Variants in SEM1 observed in about 807,000 individuals in gnomAD.
SEM1 encodes the protein 26S proteasome complex subunit SEM1.
SEM1 carries 3 observed loss-of-function variants against 12.7 expected under a neutral mutation model. That is an observed-to-expected ratio of 0.24 (90% CI 0.11 to 0.61). The LOEUF (loss-of-function observed/expected upper bound fraction) is 0.61, where lower values mean the gene tolerates loss of function less well. SEM1 is among the 20% of genes least tolerant of loss of function. The pLI is 0.88. For missense variants in SEM1, 59 were observed against 81.3 expected (o/e 0.73, Z 1.06); for synonymous variants, 30 against 27.8 (o/e 1.08, Z -0.25).
intron 2 of SEM1, among the ~76,000 whole-genome samples, chr7:96,626,075 T>G (rs542898983): frequency 6.6e-6 from 1 of 152,162 alleles, no homozygotes; most frequent in Non-Finnish European, 1.5e-5. Flanking sequence ...TTTTTGCCTA[T>G]AGTCACCCTG....
At chr7:96,704,403 C>A (rs1790381014) in intron 1 of SEM1, among the ~76,000 whole-genome samples, 1 of 151,942 alleles carries the variant, frequency 6.6e-6, no homozygotes, top group Non-Finnish European at 1.5e-5. Context: ...ATACAATTAT[C>A]CTATATAATA....
At chr7:96,643,784 A>G (rs1808697725) in intron 2 of SEM1, among the ~76,000 whole-genome samples, 1 of 152,116 alleles carries the variant, frequency 6.6e-6, no homozygotes, top group South Asian at 2.1e-4. Flanking sequence ...GGAGAGGAAC[A>G]TCACACACCA....
At chr7:96,532,806 C>A in intron 2 of SEM1, among the ~76,000 whole-genome samples, 1 of 152,078 alleles carries the variant, frequency 6.6e-6, no homozygotes, top group Non-Finnish European at 1.5e-5. Flanking sequence ...GAAAACCCGA[C>A]TTTTTAATTT....
At chr7:96,598,230 A>G (rs1204791694) in intron 2 of SEM1, among the ~76,000 whole-genome samples, 1 of 152,200 alleles carries the variant, frequency 6.6e-6, no homozygotes, top group Admixed American at 6.5e-5. Context: ...ATGAACTGGT[A>G]GAGTCAGGGA....
chr7:96,641,142 G>GA (rs928144764), intron 2 of SEM1, among the ~76,000 whole-genome samples: 3 of 146,574 alleles, frequency 2.0e-5, no homozygotes, highest in Admixed American at 6.8e-5. Flanking sequence ...ATAGGGAGCC[G>GA]AAAAAAAATA....
chr7:96,637,506 C>T (rs2116372021), intron 2 of SEM1, among the ~76,000 whole-genome samples: 1 of 152,094 alleles, frequency 6.6e-6, no homozygotes, highest in Admixed American at 6.6e-5. Flanking sequence ...GCTAGAAAGT[C>T]CTGCTTTTAT....
intron 2 of SEM1, among the ~76,000 whole-genome samples, chr7:96,587,326 A>G (rs1040381401): frequency 2.6e-5 from 4 of 152,178 alleles, no homozygotes; most frequent in African/African-American, 9.7e-5. Context: ...TAGATCTCAG[A>G]AAAATAACTT....
intron 2 of SEM1, among the ~76,000 whole-genome samples, chr7:96,682,449 T>A (rs1255890037): frequency 9.2e-5 from 14 of 152,124 alleles, no homozygotes; most frequent in Non-Finnish European, 1.9e-4. Flanking sequence ...AGAGAGGTCA[T>A]CCTTGTCTTG....
At chr7:96,662,299 A>G (rs1383174343) in intron 2 of SEM1, among the ~76,000 whole-genome samples, 1 of 152,206 alleles carries the variant, frequency 6.6e-6, no homozygotes, top group Non-Finnish European at 1.5e-5. Flanking sequence ...CAGACTGGAT[A>G]AAGAAAACGT....
intron 1 of SEM1, among the ~76,000 whole-genome samples, chr7:96,493,210 C>A (rs951975867): frequency 6.6e-6 from 1 of 152,126 alleles, no homozygotes; most frequent in Non-Finnish European, 1.5e-5. Flanking sequence ...AGTAATCTGC[C>A]CACCTTGGCC....
chr7:96,616,344 T>C (rs2116261174), intron 2 of SEM1, among the ~76,000 whole-genome samples: 1 of 152,346 alleles, frequency 6.6e-6, no homozygotes, highest in Non-Finnish European at 1.5e-5. Context: ...TGTCCTCTTT[T>C]GAAAAATGTC....
At chr7:96,676,728 C>T (rs1182693563) in intron 2 of SEM1, among the ~76,000 whole-genome samples, 1 of 152,116 alleles carries the variant, frequency 6.6e-6, no homozygotes, top group African/African-American at 2.4e-5. Context: ...ATATCTTTTT[C>T]TCTCATTTTA....
intron 2 of SEM1, among the ~76,000 whole-genome samples, chr7:96,678,750 A>G (rs1299837514): frequency 6.6e-6 from 1 of 152,164 alleles, no homozygotes; most frequent in Non-Finnish European, 1.5e-5. Context: ...TTAAAATGAG[A>G]TATCAAGTTT....
chr7:96,584,941 A>T (rs1385202012), intron 2 of SEM1, among the ~76,000 whole-genome samples: 1 of 150,480 alleles, frequency 6.6e-6, no homozygotes, highest in Non-Finnish European at 1.5e-5. Flanking sequence ...GAGTAATTTG[A>T]TCGTCTGAAG....
At chr7:96,647,964 G>GT (rs1563096720) in intron 2 of SEM1, among the ~76,000 whole-genome samples, 3 of 152,188 alleles carry the variant, frequency 2.0e-5, no homozygotes, top group Non-Finnish European at 4.4e-5. Flanking sequence ...CATGAGGAGA[G>GT]AGCAATTTTT....
At chr7:96,622,752 C>T in intron 2 of SEM1, 1 of 677,222 alleles carries the variant, frequency 1.5e-6, no homozygotes, top group South Asian at 1.6e-5. Context: ...CATAAAATCA[C>T]TTAATACCAC....
intron 2 of SEM1, among the ~76,000 whole-genome samples, chr7:96,567,004 G>T: frequency 6.6e-6 from 1 of 151,490 alleles, no homozygotes; most frequent in Non-Finnish European, 1.5e-5. Flanking sequence ...GTTTCTATGT[G>T]CCAGTAAAAG....
chr7:96,603,018 A>G (rs1441971472), intron 2 of SEM1, among the ~76,000 whole-genome samples: 1 of 152,232 alleles, frequency 6.6e-6, no homozygotes, highest in Non-Finnish European at 1.5e-5. Context: ...GTGCCTTCAT[A>G]GCAGCATAAA....
intron 2 of SEM1, among the ~76,000 whole-genome samples, chr7:96,569,659 C>A (rs750592865): frequency 6.6e-5 from 10 of 152,062 alleles, no homozygotes; most frequent in Non-Finnish European, 1.0e-4. Flanking sequence ...GAACAGTGGA[C>A]ATTATGACCA....
Sources: gnomAD v4.1 joint callset for allele counts (sites outside exome capture counted in the v4.1 genomes callset) on GRCh38, gnomAD v4.1.1 for gene constraint, MANE v1.5 for transcripts, NCBI Gene and HGNC (gene_info 2026-07-23, HGNC 2026-07-21) for gene names.